The following TUSC3 variants were observed in gnomAD, a reference collection of about 807,000 sequenced individuals.
The protein encoded by TUSC3 is dolichyl-diphosphooligosaccharide--protein glycosyltransferase subunit TUSC3.
In TUSC3, 45 loss-of-function variants were observed where a neutral mutation model predicts 44.8. The observed-to-expected ratio is 1.00, with a 90% CI of 0.79 to 1.29. The LOEUF (loss-of-function observed/expected upper bound fraction) is 1.29. Among genes scored for constraint, TUSC3 ranks in the 50% most tolerant of loss-of-function variants. TUSC3 has a pLI of 0.00. For synonymous variants in TUSC3, 212 were observed against 152.9 expected (o/e 1.39, Z -2.85); for missense variants, 519 against 437.9 (o/e 1.19, Z -1.65).
the TUSC3 span, among the ~76,000 whole-genome samples, chr8:15,809,868 T>C: frequency 1.3e-5 from 2 of 152,190 alleles, no homozygotes; most frequent in South Asian, 4.1e-4. Context: ...AAACATTCAG[T>C]CCTACATCCC....
At chr8:15,702,862 C>T (rs1247593753) in intron 6 of TUSC3, among the ~76,000 whole-genome samples, 1 of 152,096 alleles carries the variant, frequency 6.6e-6, no homozygotes, top group East Asian at 1.9e-4. Context: ...ACTCATGGTC[C>T]ACTTGGTTTC....
chr8:15,510,293 T>A (rs926168775), intron 2 of TUSC3, among the ~76,000 whole-genome samples: 1 of 151,984 alleles, frequency 6.6e-6, no homozygotes, highest in Non-Finnish European at 1.5e-5. Flanking sequence ...AAGAAAAGAA[T>A]TGGTAAAACC....
In TUSC3 at chr8:15,766,257, A is replaced by G. The variant is rs151122954; in HGVS notation, c.*2101A>G. On this transcript the variant is annotated 3_prime_UTR_variant, in exon 11 of 11. Coordinates refer to ENST00000503731, the MANE Select transcript of TUSC3 (RefSeq NM_006765.4). Reference sequence around the variant, plus strand: ...CTAGAGCAAAATATACTGCCTCAACATAAGTCGTTACTGACTGGAAAATGC... The same window carrying G: ...CTAGAGCAAAATATACTGCCTCAACGTAAGTCGTTACTGACTGGAAAATGC... 1.5e-4 allele frequency: 23 copies of G among 152,262 alleles called. No individual in the cohort carries two copies. In the East Asian group the frequency reaches 2.9e-3, roughly 19 times the overall value. 9.4% of individuals were successfully genotyped at this position (152,262 alleles called of 1,614,324 possible). A position where few individuals can be genotyped will look rare whatever the true frequency, so the allele number is the denominator to read the frequency against.
chr8:15,711,629 A>G (rs982371815), intron 6 of TUSC3, among the ~76,000 whole-genome samples: 2 of 151,646 alleles, frequency 1.3e-5, no homozygotes, highest in Admixed American at 6.6e-5. Context: ...AGAATTTACC[A>G]TTGCACTGTG....
chr8:15,496,203 T>C (rs1041944234), intron 2 of TUSC3, among the ~76,000 whole-genome samples: 1 of 152,214 alleles, frequency 6.6e-6, no homozygotes, highest in Non-Finnish European at 1.5e-5. Flanking sequence ...CAAAATCATC[T>C]GCTACATTTT....
At chr8:15,646,887 ATC>A (rs1806657035) in intron 2 of TUSC3, among the ~76,000 whole-genome samples, 1 of 152,104 alleles carries the variant, frequency 6.6e-6, no homozygotes, top group African/African-American at 2.4e-5. Flanking sequence ...GATTTAACTC[ATC>A]TCACCTTTCA....
chr8:15,465,999 C>G (rs1317701262), intron 1 of TUSC3, among the ~76,000 whole-genome samples: 1 of 152,172 alleles, frequency 6.6e-6, no homozygotes, highest in African/African-American at 2.4e-5. Context: ...TGTTAAAACT[C>G]AAATTCAACA....
At chr8:15,547,205 C>T (rs1351662317) in intron 1 of TUSC3, among the ~76,000 whole-genome samples, 1 of 151,448 alleles carries the variant, frequency 6.6e-6, no homozygotes, top group Non-Finnish European at 1.5e-5. Context: ...CACTTTAGTA[C>T]AGGTTAAATA....
At chr8:15,834,407 C>T in the TUSC3 span, among the ~76,000 whole-genome samples, 2 of 152,096 alleles carry the variant, frequency 1.3e-5, no homozygotes, top group Non-Finnish European at 2.9e-5. Context: ...GTGACCATAG[C>T]GGATACCTTT....
At chr8:15,785,920 G>A in the TUSC3 span, among the ~76,000 whole-genome samples, 6 of 151,674 alleles carry the variant, frequency 4.0e-5, no homozygotes, top group South Asian at 1.0e-3. Context: ...TGAAAAAAAA[G>A]AAAAAAAGAA....
chr8:15,675,692 C>T (rs1158263638), intron 6 of TUSC3, among the ~76,000 whole-genome samples: 1 of 151,972 alleles, frequency 6.6e-6, no homozygotes, highest in Non-Finnish European at 1.5e-5. Flanking sequence ...ACGTGCAGTA[C>T]TTGATTTTCT....
chr8:15,521,665 T>C (rs1801301750), intron 2 of TUSC3, among the ~76,000 whole-genome samples: 1 of 152,130 alleles, frequency 6.6e-6, no homozygotes, highest in African/African-American at 2.4e-5. Flanking sequence ...TACGAATTTA[T>C]GTTGGGCTGC....
chr8:15,807,519 A>C, the TUSC3 span, among the ~76,000 whole-genome samples: 13 of 152,272 alleles, frequency 8.5e-5, no homozygotes, highest in Admixed American at 7.2e-4. Flanking sequence ...CCCACTACTG[A>C]GTATATATCC....
the TUSC3 span, among the ~76,000 whole-genome samples, chr8:15,793,365 C>G: frequency 6.6e-6 from 1 of 152,120 alleles, no homozygotes; most frequent in African/African-American, 2.4e-5. Context: ...CACTCCTTTT[C>G]CCCTGTACTC....
At chr8:15,741,384 C>T (rs1190256423) in intron 7 of TUSC3, among the ~76,000 whole-genome samples, 2 of 152,142 alleles carry the variant, frequency 1.3e-5, no homozygotes, top group Non-Finnish European at 2.9e-5. Context: ...ATAAATTCAT[C>T]TTAAATGCCA....
chr8:15,788,938 A>G, the TUSC3 span, among the ~76,000 whole-genome samples: 2 of 152,140 alleles, frequency 1.3e-5, no homozygotes, highest in Non-Finnish European at 2.9e-5. Flanking sequence ...CAGGTGTTAG[A>G]TTATTAGGAA....
intron 6 of TUSC3, among the ~76,000 whole-genome samples, chr8:15,708,235 A>C (rs1229944796): frequency 6.6e-6 from 1 of 152,084 alleles, no homozygotes; most frequent in Admixed American, 6.6e-5. Context: ...TGGTAGATTC[A>C]GGATAATAAA....
chr8:15,685,927 CAAACATGTCT>C (rs1563171974), intron 6 of TUSC3, among the ~76,000 whole-genome samples: 1 of 115,658 alleles, frequency 8.6e-6, no homozygotes, highest in Non-Finnish European at 1.8e-5. Flanking sequence ...ATTGTGAAAT[CAAACATGTCT>C]AGGAAAACCT....
intron 1 of TUSC3, among the ~76,000 whole-genome samples, chr8:15,621,620 ATAT>A (rs1243639479): frequency 6.8e-6 from 1 of 147,976 alleles, no homozygotes; most frequent in Non-Finnish European, 1.5e-5. Flanking sequence ...TTATACATAA[ATAT>A]TATATATAGA....
Sources: gnomAD v4.1 joint callset for allele counts (sites outside exome capture counted in the v4.1 genomes callset) on GRCh38, gnomAD v4.1.1 for gene constraint, MANE v1.5 for transcripts, NCBI Gene and HGNC (gene_info 2026-07-23, HGNC 2026-07-21) for gene names.